Variants in CACNA2D3 observed in about 807,000 individuals in gnomAD.
CACNA2D3 encodes calcium voltage-gated channel auxiliary subunit alpha2delta 3.
In CACNA2D3, 60 loss-of-function variants were observed where a neutral mutation model predicts 160.6. That is an observed-to-expected ratio of 0.37 (90% CI 0.30 to 0.46). The LOEUF is 0.46. Ranked by LOEUF, CACNA2D3 falls within the 20% of genes least tolerant of loss-of-function variation. The pLI is 1.00. For missense variants in CACNA2D3, 1,205 were observed against 1,365.0 expected (o/e 0.88, Z 1.85); for synonymous variants, 558 against 492.9 (o/e 1.13, Z -1.75).
In CACNA2D3 at chr3:54,704,840, C is replaced by A. The variant is rs562610200; in HGVS notation, c.1168-47759C>A. Among the ~76,000 whole-genome samples, 13 of 152,236 alleles carry A rather than the reference C, an allele frequency of 8.5e-5. No homozygotes were observed. In the South Asian group the frequency reaches 2.7e-3, roughly 32 times the overall value. Reference sequence around the variant, plus strand: ...GCAGTTTTCCACCCCTACCTCCCTCCTACCCAACACCATTACTTCCTTGAC... The same window carrying A: ...GCAGTTTTCCACCCCTACCTCCCTCATACCCAACACCATTACTTCCTTGAC... On this transcript the variant is annotated intron_variant, in intron 11 of 37. Coordinates refer to ENST00000474759, the MANE Select transcript of CACNA2D3 (RefSeq NM_018398.3).
At position 54,220,271 on chromosome 3, in the gene CACNA2D3, T is replaced by TC. The variant is rs564490771; in HGVS notation, c.204+96678dup. Among the ~76,000 whole-genome samples the TC allele has an allele frequency of 9.2e-5, 14 of 152,332 alleles. No homozygotes were observed. In the East Asian group the frequency reaches 2.5e-3, roughly 27 times the overall value. The stretch of plus-strand genomic sequence containing the variant: ...GCAAGCGCATTTGAGACATAATTGC[T>TC]CTTATCAGTTAGGTTTTCAGTAAAG... On this transcript the variant is annotated intron_variant, in intron 2 of 37. Coordinates refer to ENST00000474759, the MANE Select transcript of CACNA2D3 (RefSeq NM_018398.3).
chr3:54,572,073 C>T (rs566962512), intron 8 of CACNA2D3, among the ~76,000 whole-genome samples: 24 of 130,328 alleles, frequency 1.8e-4, no homozygotes, highest in Non-Finnish European at 3.5e-4. Flanking sequence ...ACTGGGCTGC[C>T]TTCTGCATAG....
intron 4 of CACNA2D3, among the ~76,000 whole-genome samples, chr3:54,431,131 G>T (rs1699983633): frequency 2.0e-5 from 3 of 152,036 alleles, no homozygotes; most frequent in Admixed American, 6.6e-5. Flanking sequence ...GAGGTCAGGG[G>T]ATTGAGACCA....
At chr3:54,340,988 T>C (rs1199664392) in intron 3 of CACNA2D3, among the ~76,000 whole-genome samples, 2 of 152,218 alleles carry the variant, frequency 1.3e-5, no homozygotes, top group Non-Finnish European at 2.9e-5. Context: ...CCCACTTCCC[T>C]GCTCTGAAGC....
chr3:54,300,500 G>A (rs562441262), intron 2 of CACNA2D3, among the ~76,000 whole-genome samples: 1 of 152,298 alleles, frequency 6.6e-6, no homozygotes, highest in African/African-American at 2.4e-5. Flanking sequence ...AACGGAGAGG[G>A]GTAGAGCTTG....
At chr3:54,760,370 G>T (rs938528579) in intron 12 of CACNA2D3, among the ~76,000 whole-genome samples, 1 of 152,084 alleles carries the variant, frequency 6.6e-6, no homozygotes, top group African/African-American at 2.4e-5. Flanking sequence ...TGAGAGGCGG[G>T]GAAAGAAGGC....
chr3:54,490,838 G>C (rs1701097790), intron 4 of CACNA2D3, among the ~76,000 whole-genome samples: 1 of 152,176 alleles, frequency 6.6e-6, no homozygotes, highest in Non-Finnish European at 1.5e-5. Context: ...GCTTCAGGGA[G>C]AGTGGGAGAC....
intron 10 of CACNA2D3, among the ~76,000 whole-genome samples, chr3:54,629,202 T>C (rs1485926775): frequency 6.6e-6 from 1 of 151,964 alleles, no homozygotes; most frequent in Non-Finnish European, 1.5e-5. Flanking sequence ...AAGGCCTTGC[T>C]GCTGTTGGTC....
intron 13 of CACNA2D3, among the ~76,000 whole-genome samples, chr3:54,801,161 ATT>A (rs1039254017): frequency 6.6e-6 from 1 of 151,642 alleles, no homozygotes; most frequent in Admixed American, 6.6e-5. Context: ...TAATTTTTGT[ATT>A]TTTTATTAGA....
At chr3:55,052,186 G>A (rs1704240166) in intron 35 of CACNA2D3, among the ~76,000 whole-genome samples, 1 of 152,152 alleles carries the variant, frequency 6.6e-6, no homozygotes, top group South Asian at 2.1e-4. Flanking sequence ...CTTCCTCTTT[G>A]ACCTTGAGGT....
intron 2 of CACNA2D3, among the ~76,000 whole-genome samples, chr3:54,313,554 C>T (rs1440204269): frequency 2.0e-5 from 3 of 152,092 alleles, no homozygotes; most frequent in Non-Finnish European, 2.9e-5. Context: ...CCTAGCACAC[C>T]GCCCTTGATG....
intron 12 of CACNA2D3, among the ~76,000 whole-genome samples, chr3:54,762,569 C>A (rs1253461896): frequency 2.0e-5 from 3 of 152,218 alleles, no homozygotes; most frequent in African/African-American, 7.2e-5. Flanking sequence ...ATGCTAAACA[C>A]AAAGGAAACC....
Position 54,799,967 on chromosome 3 carries a change from G to C in CACNA2D3, c.1381-16886G>C, listed in dbSNP as rs7614974. On this transcript the variant is annotated intron_variant, in intron 13 of 37. Coordinates refer to ENST00000474759, the MANE Select transcript of CACNA2D3 (RefSeq NM_018398.3). ...TGTTTCCTTATATAGACCTACATTG[G>C]CTCCAAGCTCACAATCTCAGAGGAA... Among the ~76,000 whole-genome samples, 1,155 of 152,214 alleles carry C rather than the reference G, an allele frequency of 7.6e-3. 14 individuals are homozygous for C. Among genetic ancestry groups the C allele is most frequent in the African/African-American group, 0.026 (1,072 of 41,526 alleles).
intron 5 of CACNA2D3, among the ~76,000 whole-genome samples, chr3:54,538,280 A>G (rs532649352): frequency 9.2e-5 from 14 of 152,298 alleles, no homozygotes; most frequent in African/African-American, 2.9e-4. Context: ...ATACCACCAT[A>G]CTATCAGCCA....
At chr3:54,177,885 C>T (rs184231113) in intron 2 of CACNA2D3, 10 of 152,162 alleles carry the variant, frequency 6.6e-5, no homozygotes, top group African/African-American at 2.2e-4. Context: ...TCTGTGAAAT[C>T]GGTAGAAAAT....
intron 27 of CACNA2D3, among the ~76,000 whole-genome samples, chr3:54,902,112 G>T (rs1700346404): frequency 6.6e-6 from 1 of 152,192 alleles, no homozygotes; most frequent in African/African-American, 2.4e-5. Context: ...CAGCCGACTG[G>T]CAGGAATGTT....
intron 4 of CACNA2D3, among the ~76,000 whole-genome samples, chr3:54,400,385 C>T (rs7374435): frequency 6.6e-6 from 1 of 151,690 alleles, no homozygotes; most frequent in Non-Finnish European, 1.5e-5. Flanking sequence ...CCTGAGCCCA[C>T]GACTCCTCTT....
At chr3:54,307,772 A>G (rs1703646617) in intron 2 of CACNA2D3, among the ~76,000 whole-genome samples, 2 of 152,208 alleles carry the variant, frequency 1.3e-5, no homozygotes, top group South Asian at 4.1e-4. Context: ...AGACTCATTC[A>G]TTGATGGCCT....
chr3:55,015,445 A>T (rs1284650914), intron 34 of CACNA2D3, among the ~76,000 whole-genome samples: 1 of 152,236 alleles, frequency 6.6e-6, no homozygotes, highest in Non-Finnish European at 1.5e-5. Context: ...GCAGGACAGC[A>T]TCTGGAACGC....
Sources: gnomAD v4.1 joint callset for allele counts (sites outside exome capture counted in the v4.1 genomes callset) on GRCh38, gnomAD v4.1.1 for gene constraint, MANE v1.5 for transcripts, NCBI Gene and HGNC (gene_info 2026-07-23, HGNC 2026-07-21) for gene names.